Variants in IMMP1L observed in about 807,000 individuals in gnomAD.
IMMP1L encodes the protein inner mitochondrial membrane peptidase subunit 1, also known as mitochondrial inner membrane protease subunit 1.
IMMP1L carries 24 observed loss-of-function variants against 21.8 expected under a neutral mutation model. The observed-to-expected ratio is 1.10, with a 90% CI of 0.80 to 1.55. The LOEUF (loss-of-function observed/expected upper bound fraction) is 1.55, where lower values mean the gene tolerates loss of function less well. Ranked by LOEUF, IMMP1L falls within the 40% of genes most tolerant of loss-of-function variation. The probability of loss-of-function intolerance (pLI) is 0.00; values close to 1 mark genes in which losing one functional copy is unlikely to be tolerated. For missense variants in IMMP1L, 195 were observed against 200.7 expected (o/e 0.97, Z 0.17); for synonymous variants, 46 against 62.8 (o/e 0.73, Z 1.26).
intron 1 of IMMP1L, among the ~76,000 whole-genome samples, chr11:31,482,568 T>C (rs1592015711): frequency 6.6e-6 from 1 of 151,348 alleles, no homozygotes; most frequent in Non-Finnish European, 1.5e-5. Context: ...CAGAAGAAAA[T>C]AACCAAACAG....
Position 31,509,542 on chromosome 11 carries a change from G to C in IMMP1L, c.-53C>G. The C allele has an allele frequency of 1.8e-6, 1 of 563,530 alleles. No homozygotes were observed. Among genetic ancestry groups the C allele is most frequent in the Non-Finnish European group, 3.2e-6 (1 of 313,998 alleles). The allele number at this position is 563,530 out of a possible 1,614,324, so 34.9% of individuals were successfully genotyped here. A position where few individuals can be genotyped will look rare whatever the true frequency, so the allele number is the denominator to read the frequency against. ...ACCTCGGGCCCCAAAGAACCCTGGA[G>C]ACCCTCAACCAGGACACAGGTGGGC... On this transcript the variant is annotated 5_prime_UTR_variant, in exon 1 of 6. Transcript: ENST00000532287.
chr11:31,473,271 C>G (rs542057599), intron 1 of IMMP1L, among the ~76,000 whole-genome samples: 1 of 152,160 alleles, frequency 6.6e-6, no homozygotes, highest in East Asian at 1.9e-4. Flanking sequence ...GGATGGTCTT[C>G]ATCTCCTGAC....
intron 4 of IMMP1L, among the ~76,000 whole-genome samples, chr11:31,452,019 A>C (rs567439068): frequency 2.4e-4 from 36 of 152,340 alleles, no homozygotes; most frequent in South Asian, 2.3e-3. Flanking sequence ...GAGGACTGAG[A>C]GTTGATCACT....
chr11:31,462,434 A>G (rs1011229678), intron 2 of IMMP1L, among the ~76,000 whole-genome samples: 4 of 151,966 alleles, frequency 2.6e-5, no homozygotes, highest in Non-Finnish European at 5.9e-5. Context: ...AAAAAAAAAA[A>G]CAGTAATAAC....
intron 4 of IMMP1L, among the ~76,000 whole-genome samples, chr11:31,454,498 T>A (rs1171257194): frequency 6.7e-6 from 1 of 149,442 alleles, no homozygotes; most frequent in African/African-American, 2.5e-5. Flanking sequence ...ATTTTGAATG[T>A]TCTCACTACA....
intron 1 of IMMP1L, among the ~76,000 whole-genome samples, chr11:31,492,712 C>A (rs1955296218): frequency 6.6e-6 from 1 of 152,104 alleles, no homozygotes; most frequent in South Asian, 2.1e-4. Flanking sequence ...CTCAGTGACA[C>A]AATGAAGTGA....
At chr11:31,504,954 A>AT (rs1349894973) in intron 1 of IMMP1L, among the ~76,000 whole-genome samples, 1 of 152,198 alleles carries the variant, frequency 6.6e-6, no homozygotes, top group African/African-American at 2.4e-5. Context: ...CAAAAAAGGA[A>AT]TTACCGGAGG....
chr11:31,461,114 A>G (rs1318639038), intron 2 of IMMP1L, among the ~76,000 whole-genome samples: 3 of 152,214 alleles, frequency 2.0e-5, no homozygotes, highest in Non-Finnish European at 4.4e-5. Flanking sequence ...TGGGAGAATA[A>G]TACATTTTCT....
chr11:31,464,820 C>A (rs537036415), intron 1 of IMMP1L, among the ~76,000 whole-genome samples: 1 of 152,000 alleles, frequency 6.6e-6, no homozygotes, highest in South Asian at 2.1e-4. Flanking sequence ...TATGACAAAC[C>A]CACAGCTAAT....
chr11:31,444,533 T>A (rs1953449125), intron 4 of IMMP1L, among the ~76,000 whole-genome samples: 1 of 152,096 alleles, frequency 6.6e-6, no homozygotes, highest in African/African-American at 2.4e-5. Flanking sequence ...TTAATGAAAT[T>A]CAGTTTTTAA....
At chr11:31,434,551 C>A (rs1482970604) in intron 4 of IMMP1L, among the ~76,000 whole-genome samples, 1 of 151,748 alleles carries the variant, frequency 6.6e-6, no homozygotes, top group Non-Finnish European at 1.5e-5. Flanking sequence ...ACTTGTAAAC[C>A]TTTTATGAAG....
At chr11:31,452,196 T>C (rs565353968) in intron 4 of IMMP1L, 1 of 981,192 alleles carries the variant, frequency 1.0e-6, no homozygotes, top group Admixed American at 6.1e-5. Flanking sequence ...TGGGAGTTTG[T>C]TTAGATGCAG....
At chr11:31,453,679 A>G (rs1316843678) in intron 4 of IMMP1L, among the ~76,000 whole-genome samples, 1 of 152,252 alleles carries the variant, frequency 6.6e-6, no homozygotes, top group Non-Finnish European at 1.5e-5. Context: ...GTTCTGTAAT[A>G]GCTACACAAT....
chr11:31,507,140 G>A (rs1009966118), intron 1 of IMMP1L, among the ~76,000 whole-genome samples: 3 of 150,668 alleles, frequency 2.0e-5, no homozygotes, highest in Non-Finnish European at 3.0e-5. Context: ...TCAGCAGGGC[G>A]TGGTGACGGG....
At chr11:31,442,502 A>G (rs186543584) in intron 4 of IMMP1L, among the ~76,000 whole-genome samples, 70 of 152,354 alleles carry the variant, frequency 4.6e-4, no homozygotes, top group Middle Eastern at 3.4e-3. Context: ...TGGCTAAAAA[A>G]TAGTTGTATG....
chr11:31,477,511 G>T (rs765095927), intron 1 of IMMP1L: 24 of 976,698 alleles, frequency 2.5e-5, no homozygotes, highest in Non-Finnish European at 2.9e-5. Flanking sequence ...CTGATTTTTT[G>T]TTGTTGTTGT....
chr11:31,493,853 T>A (rs1014677930), intron 1 of IMMP1L, among the ~76,000 whole-genome samples: 3 of 152,196 alleles, frequency 2.0e-5, no homozygotes, highest in Non-Finnish European at 4.4e-5. Flanking sequence ...TGTTCCAAAA[T>A]GATCTCCTTT....
At chr11:31,465,134 A>T (rs1954287652) in intron 1 of IMMP1L, among the ~76,000 whole-genome samples, 1 of 152,080 alleles carries the variant, frequency 6.6e-6, no homozygotes, top group African/African-American at 2.4e-5. Context: ...GTAGCATTTT[A>T]TTCACCAGGA....
chr11:31,461,261 T>C (rs1315264864), intron 2 of IMMP1L, among the ~76,000 whole-genome samples: 2 of 152,142 alleles, frequency 1.3e-5, no homozygotes, highest in Non-Finnish European at 2.9e-5. Flanking sequence ...ACTTAAATGT[T>C]CTACTGAAAA....
Sources: gnomAD v4.1 joint callset for allele counts (sites outside exome capture counted in the v4.1 genomes callset) on GRCh38, gnomAD v4.1.1 for gene constraint, MANE v1.5 for transcripts, NCBI Gene and HGNC (gene_info 2026-07-23, HGNC 2026-07-21) for gene names.